SORBS2: variants seen among roughly 807,000 people sequenced by gnomAD.
SORBS2 encodes sorbin and SH3 domain containing 2, also known as sorbin and SH3 domain-containing protein 2.
In SORBS2, 46 loss-of-function variants were observed where a neutral mutation model predicts 97.7. The ratio of observed to expected loss-of-function variants is 0.47; its 90% confidence interval spans 0.37 to 0.60. The LOEUF is 0.60. SORBS2 is among the 20% of genes least tolerant of loss of function. The pLI, the probability that SORBS2 is intolerant of heterozygous loss-of-function variation, is 0.00. For missense variants in SORBS2, 1,316 were observed against 1,282.3 expected (o/e 1.03, Z -0.40); for synonymous variants, 476 against 473.4 (o/e 1.01, Z -0.07).
At chr4:185,942,601 G>A (rs13112850) in intron 1 of SORBS2, among the ~76,000 whole-genome samples, 17,785 of 151,946 alleles carry the variant, frequency 0.12, 1,312 homozygotes, top group Middle Eastern at 0.24. Context: ...CACCCGCCTC[G>A]GCCTCCCAAA....
At chr4:185,837,808 A>G (rs1294377322) in intron 1 of SORBS2, among the ~76,000 whole-genome samples, 1 of 151,992 alleles carries the variant, frequency 6.6e-6, no homozygotes, top group Non-Finnish European at 1.5e-5. Context: ...CTCTAAGACT[A>G]TACAGACTAT....
chr4:185,728,805 C>T (rs998375294), intron 2 of SORBS2, among the ~76,000 whole-genome samples: 1 of 152,214 alleles, frequency 6.6e-6, no homozygotes, highest in African/African-American at 2.4e-5. Context: ...CCAGGCAGAC[C>T]AGATGCAAAC....
chr4:185,661,400 G>A (rs2097518557), upstream of SORBS2, among the ~76,000 whole-genome samples: 1 of 152,122 alleles, frequency 6.6e-6, no homozygotes, highest in South Asian at 2.1e-4. Flanking sequence ...AAAAGTCCAT[G>A]AGCCCCAGGA....
intron 1 of SORBS2, among the ~76,000 whole-genome samples, chr4:185,874,872 TGCATGCTACAGTA>T (rs2099232573): frequency 1.1e-4 from 17 of 151,090 alleles, no homozygotes; most frequent in East Asian, 3.9e-4. Context: ...TTTTTTTTTT[TGCATGCTACAGTA>T]TATTGTGTTT....
intron 1 of SORBS2, among the ~76,000 whole-genome samples, chr4:185,778,726 T>G (rs1391523642): frequency 6.6e-6 from 1 of 152,130 alleles, no homozygotes; most frequent in Non-Finnish European, 1.5e-5. Context: ...AGACTGGATG[T>G]GGAAAGGCCA....
intron 1 of SORBS2, among the ~76,000 whole-genome samples, chr4:185,817,600 C>A (rs13112865): frequency 0.28 from 43,326 of 152,104 alleles, 6,911 homozygotes; most frequent in East Asian, 0.66. Flanking sequence ...ACGTGCCACC[C>A]TACCCAGTGC....
intron 1 of SORBS2, among the ~76,000 whole-genome samples, chr4:185,823,006 TAGA>T (rs1289759719): frequency 6.6e-6 from 1 of 152,230 alleles, no homozygotes; most frequent in Non-Finnish European, 1.5e-5. Context: ...AAGCTACAGA[TAGA>T]AGGTTTGATA....
At position 185,623,136 on chromosome 4, in the gene SORBS2, T is replaced by G; in HGVS notation, c.1993A>C (p.Ile665Leu). The stretch of plus-strand genomic sequence containing the variant: ...GGAACATCTGGCAGCAGCTCACTGA[T>G]GAGGCGGTGCAGGATGCTGTTGTCC... The change falls in exon 7 of 15, where the codon ATC (isoleucine) becomes CTC (leucine). Residue 665 changes from isoleucine (I) to leucine (L), a missense_variant. Transcript: ENST00000418609. The surrounding 1 kb of genome is among the most constrained non-coding windows in gnomAD (Gnocchi z 6.4). 1 of 1,614,168 alleles carries G rather than the reference T, an allele frequency of 6.2e-7. No homozygotes were observed. Among genetic ancestry groups the G allele is most frequent in the Non-Finnish European group, 8.5e-7 (1 of 1,180,020 alleles).
chr4:185,711,795 T>G lies in SORBS2; in HGVS notation c.-197-32973A>C, dbSNP rs766070191. On this transcript the variant is annotated intron_variant, in intron 2 of 20. Coordinates refer to the SORBS2 transcript ENST00000284776. ...CAGAAATGTACTTCTGAAGCCCGGG[T>G]CTGTCTTTAAAAGGCCAGACTTGGT... Among the ~76,000 whole-genome samples the G allele has an allele frequency of 7.9e-5, 12 of 151,846 alleles. No homozygotes were observed. In the South Asian group the frequency reaches 1.0e-3, roughly 13 times the overall value.
At chr4:185,639,761 G>A (rs955989525) in intron 4 of SORBS2, among the ~76,000 whole-genome samples, 3 of 152,198 alleles carry the variant, frequency 2.0e-5, no homozygotes, top group South Asian at 4.1e-4. Flanking sequence ...GCTAGGAGAG[G>A]AGCTGTGACT....
intron 2 of SORBS2, among the ~76,000 whole-genome samples, chr4:185,738,577 A>G (rs1432910251): frequency 1.3e-5 from 2 of 152,194 alleles, no homozygotes; most frequent in Non-Finnish European, 2.9e-5. Context: ...ATTTTTTCCC[A>G]TATCTGGTCA....
chr4:185,827,065 A>G (rs1265662689), intron 1 of SORBS2, among the ~76,000 whole-genome samples: 240 of 114,634 alleles, frequency 2.1e-3, no homozygotes, highest in African/African-American at 7.4e-3. Context: ...CATCATCATC[A>G]TCACCATCAT....
At chr4:185,647,900 A>G (rs973606231) in intron 3 of SORBS2, among the ~76,000 whole-genome samples, 1 of 152,244 alleles carries the variant, frequency 6.6e-6, no homozygotes, top group Non-Finnish European at 1.5e-5. Context: ...TTAACAAAAC[A>G]TATCAGATGG....
chr4:185,805,554 C>G (rs1353771283), intron 1 of SORBS2, among the ~76,000 whole-genome samples: 1 of 152,148 alleles, frequency 6.6e-6, no homozygotes, highest in East Asian at 1.9e-4. Context: ...TAACCTGTAC[C>G]TTTTTCCATT....
intron 1 of SORBS2, among the ~76,000 whole-genome samples, chr4:185,832,402 A>G (rs2099205643): frequency 6.6e-6 from 1 of 152,192 alleles, no homozygotes; most frequent in Non-Finnish European, 1.5e-5. Flanking sequence ...TAATAAGATT[A>G]TGTTTACTTA....
intron 4 of SORBS2, among the ~76,000 whole-genome samples, chr4:185,672,701 T>G (rs140087352): frequency 1.4e-4 from 21 of 152,364 alleles, no homozygotes; most frequent in African/African-American, 4.8e-4. Flanking sequence ...ATAAAACTTC[T>G]GAAACACTGA....
intron 1 of SORBS2, among the ~76,000 whole-genome samples, 183 bp from the exon 10 acceptor site, chr4:185,652,911 T>C (rs1403016515): frequency 3.3e-5 from 5 of 152,246 alleles, no homozygotes; most frequent in African/African-American, 1.2e-4. Flanking sequence ...GTGCAGTTTG[T>C]AAACATATGG....
intron 1 of SORBS2, among the ~76,000 whole-genome samples, chr4:185,814,904 C>T (rs1488324717): frequency 6.6e-6 from 1 of 152,242 alleles, no homozygotes; most frequent in Non-Finnish European, 1.5e-5. Flanking sequence ...TTGCTCTGAC[C>T]TCAGGCCCTG....
intron 1 of SORBS2, among the ~76,000 whole-genome samples, chr4:185,941,267 G>T (rs773424684): frequency 3.3e-5 from 5 of 152,168 alleles, no homozygotes; most frequent in East Asian, 1.9e-4. Flanking sequence ...GCAGGAAAAG[G>T]TTAACTGTCT....
Sources: allele counts gnomAD v4.1 joint callset (sites outside exome capture counted in the v4.1 genomes callset), GRCh38; gene constraint gnomAD v4.1.1; non-coding constraint Gnocchi (gnomAD v3.1); transcripts MANE v1.5; gene names NCBI Gene and HGNC (gene_info 2026-07-23, HGNC 2026-07-21).